Variants in SLC39A11 observed in about 807,000 individuals in gnomAD.
The protein encoded by SLC39A11 is solute carrier family 39 member 11.
A neutral mutation model predicts 36.1 loss-of-function variants in SLC39A11; 33 were observed. The observed-to-expected ratio is 0.91, with a 90% CI of 0.69 to 1.22. The LOEUF is 1.22. Ranked by LOEUF, SLC39A11 falls within the 50% of genes most tolerant of loss-of-function variation. The pLI is 0.00. For missense variants in SLC39A11, 432 were observed against 430.3 expected (o/e 1.00, Z -0.03); for synonymous variants, 166 against 170.3 (o/e 0.97, Z 0.20).
intron 6 of SLC39A11, among the ~76,000 whole-genome samples, chr17:72,761,995 G>A (rs1196151122): frequency 1.3e-5 from 2 of 152,202 alleles, no homozygotes; most frequent in East Asian, 3.9e-4. Context: ...CAGAGTTTTA[G>A]GCGAGTCTAG....
chr17:72,825,530 G>GA (rs1018497604), intron 6 of SLC39A11, among the ~76,000 whole-genome samples: 19 of 152,328 alleles, frequency 1.2e-4, no homozygotes, highest in African/African-American at 4.6e-4. Flanking sequence ...GTAGAGCTGT[G>GA]AGAAGAGGTC....
chr17:73,059,061 T>G (rs1212378599), intron 3 of SLC39A11, among the ~76,000 whole-genome samples: 1 of 152,234 alleles, frequency 6.6e-6, no homozygotes, highest in South Asian at 2.1e-4. Flanking sequence ...AATTTTAAAG[T>G]AATAGATATT....
At chr17:72,658,859 G>A (rs185527897) in intron 7 of SLC39A11, among the ~76,000 whole-genome samples, 83 of 152,200 alleles carry the variant, frequency 5.5e-4, no homozygotes, top group African/African-American at 1.8e-3. Flanking sequence ...GGCTTATCTC[G>A]GAGCCCAGAG....
chr17:72,862,675 A>G (rs539763608), intron 5 of SLC39A11, among the ~76,000 whole-genome samples: 1 of 152,318 alleles, frequency 6.6e-6, no homozygotes, highest in East Asian at 1.9e-4. Flanking sequence ...TTGCTGAAAA[A>G]TGAAGGTTTG....
At chr17:73,070,244 A>T (rs1030331042) in intron 3 of SLC39A11, among the ~76,000 whole-genome samples, 5 of 152,200 alleles carry the variant, frequency 3.3e-5, no homozygotes, top group Non-Finnish European at 5.9e-5. Flanking sequence ...CCGACTGGAA[A>T]ATGAACCTGA....
intron 6 of SLC39A11, among the ~76,000 whole-genome samples, chr17:72,775,040 A>C (rs942925769): frequency 6.6e-6 from 1 of 151,142 alleles, no homozygotes; most frequent in African/African-American, 2.4e-5. Flanking sequence ...ACCAGCAGAA[A>C]CTCTCTGATT....
At chr17:73,018,407 A>G (rs6501592) in intron 4 of SLC39A11, among the ~76,000 whole-genome samples, 148,358 of 152,174 alleles carry the variant, frequency 0.97, 72,433 homozygotes, top group Non-Finnish European at 1. Flanking sequence ...AATTATCCAC[A>G]CGTGATGGCA....
At chr17:72,811,151 C>T (rs2077424794) in intron 6 of SLC39A11, among the ~76,000 whole-genome samples, 1 of 151,894 alleles carries the variant, frequency 6.6e-6, no homozygotes, top group Admixed American at 6.6e-5. Context: ...TCTCACAGTT[C>T]TTGAGGCTGG....
chr17:72,700,651 G>A (rs1438646399), intron 7 of SLC39A11, among the ~76,000 whole-genome samples: 4 of 152,184 alleles, frequency 2.6e-5, no homozygotes, highest in African/African-American at 4.8e-5. Flanking sequence ...CCGTTTTCAC[G>A]CTGTTCATAA....
intron 4 of SLC39A11, among the ~76,000 whole-genome samples, chr17:72,986,517 G>C (rs997350784): frequency 6.6e-6 from 1 of 152,226 alleles, no homozygotes; most frequent in African/African-American, 2.4e-5. Context: ...CCAACTGTGA[G>C]GTCCCATTAC....
chr17:72,979,097 G>A (rs905969407), intron 4 of SLC39A11, among the ~76,000 whole-genome samples: 1 of 152,140 alleles, frequency 6.6e-6, no homozygotes, highest in Admixed American at 6.5e-5. Context: ...AATCATGGGG[G>A]CAGTTTCCCC....
chr17:72,926,132 T>C (rs989069342), intron 5 of SLC39A11, among the ~76,000 whole-genome samples: 4 of 152,238 alleles, frequency 2.6e-5, no homozygotes, highest in African/African-American at 9.6e-5. Context: ...TCCATATAAA[T>C]GCTTCTTCAA....
intron 6 of SLC39A11, among the ~76,000 whole-genome samples, chr17:72,765,052 C>T (rs2075715773): frequency 6.6e-6 from 1 of 152,162 alleles, no homozygotes; most frequent in Non-Finnish European, 1.5e-5. Flanking sequence ...AACTAAACTA[C>T]CTTTGTAAAG....
At chr17:72,992,709 C>T (rs1416543466) in intron 4 of SLC39A11, among the ~76,000 whole-genome samples, 1 of 151,990 alleles carries the variant, frequency 6.6e-6, no homozygotes, top group Non-Finnish European at 1.5e-5. Context: ...ATTAAAATCA[C>T]CTGGAGAGCT....
intron 2 of SLC39A11, among the ~76,000 whole-genome samples, chr17:73,086,430 A>G (rs1378397238): frequency 1.3e-5 from 2 of 152,200 alleles, no homozygotes; most frequent in Non-Finnish European, 1.5e-5. Flanking sequence ...CTTAAAAACA[A>G]AAGAAATTCT....
At chr17:72,808,653 T>C (rs1451488735) in intron 6 of SLC39A11, among the ~76,000 whole-genome samples, 1 of 152,192 alleles carries the variant, frequency 6.6e-6, no homozygotes, top group Admixed American at 6.5e-5. Context: ...TTTCTGCAAT[T>C]GCTCCTATAG....
intron 4 of SLC39A11, among the ~76,000 whole-genome samples, chr17:73,000,533 T>A (rs2089763183): frequency 6.6e-6 from 1 of 152,134 alleles, no homozygotes; most frequent in Non-Finnish European, 1.5e-5. Flanking sequence ...TGGTTTTGGG[T>A]GTTACTCTTG....
chr17:72,767,618 A>C (rs2075799904), intron 6 of SLC39A11, among the ~76,000 whole-genome samples: 1 of 152,234 alleles, frequency 6.6e-6, no homozygotes, highest in Admixed American at 6.5e-5. Flanking sequence ...AGCTTCACAC[A>C]GGAGGTGACT....
intron 3 of SLC39A11, among the ~76,000 whole-genome samples, chr17:73,054,669 A>G (rs1281287165): frequency 6.6e-6 from 1 of 151,390 alleles, no homozygotes; most frequent in Non-Finnish European, 1.5e-5. Flanking sequence ...TTAGTCAGGT[A>G]TGGTGGCATG....
Sources: gnomAD v4.1 joint callset for allele counts (sites outside exome capture counted in the v4.1 genomes callset) on GRCh38, gnomAD v4.1.1 for gene constraint, MANE v1.5 for transcripts, NCBI Gene and HGNC (gene_info 2026-07-23, HGNC 2026-07-21) for gene names.